Variants in SLC6A3 observed in about 807,000 individuals in gnomAD.
The protein encoded by SLC6A3 is solute carrier family 6 member 3, also known as sodium-dependent dopamine transporter.
A neutral mutation model predicts 70.4 loss-of-function variants in SLC6A3; 19 were observed. That is an observed-to-expected ratio of 0.27 (90% CI 0.19 to 0.40). The LOEUF (loss-of-function observed/expected upper bound fraction) is 0.40, where lower values mean the gene tolerates loss of function less well. Ranked by LOEUF, SLC6A3 falls within the 10% of genes least tolerant of loss-of-function variation. The probability of loss-of-function intolerance (pLI) is 1.00; values close to 1 mark genes in which losing one functional copy is unlikely to be tolerated. For synonymous variants in SLC6A3, 368 were observed against 356.6 expected (o/e 1.03, Z -0.36); for missense variants, 613 against 838.5 (o/e 0.73, Z 3.32).
rs921248187 is a variant in SLC6A3, at chr5:1,401,631, A to G, written c.1768-645T>C. 5.3e-5 allele frequency among the ~76,000 whole-genome samples: 8 copies of G among 152,052 alleles called. No individual in the cohort carries two copies. The highest frequency in any genetic ancestry group is 3.3e-4 in the Admixed American group (5 of 15,274). On this transcript the variant is annotated intron_variant, in intron 13 of 14. Coordinates refer to ENST00000270349, the MANE Select transcript of SLC6A3 (RefSeq NM_001044.5). This position sits in a 1 kb window ranked among gnomAD's most constrained non-coding sequence, Gnocchi z 6.1. ...GGCCCCACCCCACGTCATCACCACA[A>G]TTCCACTTGTACCTGGCTCAGCTGC...
rs1288617930 is a variant in SLC6A3, at chr5:1,413,466, C to A, written c.1156+1225G>T. 6.6e-6 allele frequency among the ~76,000 whole-genome samples: 1 copy of A among 152,220 alleles called. No individual in the cohort carries two copies. Among genetic ancestry groups the A allele is most frequent in the East Asian group, 1.9e-4 (1 of 5,204 alleles). On this transcript the variant is annotated intron_variant, in intron 8 of 14. Coordinates refer to ENST00000270349, the MANE Select transcript of SLC6A3 (RefSeq NM_001044.5). This position sits in a 1 kb window ranked among gnomAD's most constrained non-coding sequence, Gnocchi z 7.1. ...GAGACTCAGGTGCGGTCAAGGCTGC[C>A]CCCGCTTGGTGCTTGTCGCTCCCCG...
rs1423863869 is a variant in SLC6A3, at chr5:1,406,160, G to A, written c.1599+28C>T. 6.5e-7 allele frequency: 1 copy of A among 1,532,944 alleles called. No individual in the cohort carries two copies. Among genetic ancestry groups the A allele is most frequent in the Non-Finnish European group, 9.0e-7 (1 of 1,106,964 alleles). 95.0% of individuals were successfully genotyped at this position (1,532,944 alleles called of 1,614,324 possible). On this transcript the variant is annotated intron_variant, in intron 12 of 14. Coordinates refer to ENST00000270349, the MANE Select transcript of SLC6A3 (RefSeq NM_001044.5). The surrounding 1 kb of genome is among the most constrained non-coding windows in gnomAD (Gnocchi z 8.8). ...GAGTGGGGGCAGTGGGCAGACGGGG[G>A]AAGGGCAGGTGGCCCGAGGTCCCTT...
At chr5:1,439,198 G>C (rs1229129867) in intron 3 of SLC6A3, among the ~76,000 whole-genome samples, 1 of 152,120 alleles carries the variant, frequency 6.6e-6, no homozygotes, top group Non-Finnish European at 1.5e-5. Flanking sequence ...TGACGACGGG[G>C]ACGGAGGCAT....
Position 1,432,649 on chromosome 5 carries a change from G to A in SLC6A3, c.468C>T (p.Tyr156=). The change falls in exon 4 of 15, where the codon TAC becomes TAT. Residue 156 remains tyrosine (Y), a synonymous_variant. Coordinates refer to ENST00000270349, the MANE Select transcript of SLC6A3 (RefSeq NM_001044.5). The part of the protein sequence containing the change: ...ILISLYVGFF[Y]NVIIAWALHY... ...GCAGCGCCCAGGCGATGATGACGTTGTAGAAGAAGCCGACATACAGTGAGA... is the reference window on the plus strand; with the variant it reads ...GCAGCGCCCAGGCGATGATGACGTTATAGAAGAAGCCGACATACAGTGAGA... 6.2e-7 allele frequency: 1 copy of A among 1,614,212 alleles called. No homozygotes were observed. The highest frequency in any genetic ancestry group is 1.3e-5 in the African/African-American group (1 of 75,054).
rs1296528713 is a variant in SLC6A3 at position 1,406,624 on chromosome 5, C to T, written c.1499-336G>A. Reference sequence around the variant, plus strand: ...CTCTGCTGCTGGTACTTCTTGTTCACTTAAAAAGATTATGGTAAAATACAC... The same window carrying T: ...CTCTGCTGCTGGTACTTCTTGTTCATTTAAAAAGATTATGGTAAAATACAC... On this transcript the variant is annotated intron_variant, in intron 11 of 14. Coordinates refer to ENST00000270349, the MANE Select transcript of SLC6A3 (RefSeq NM_001044.5). The surrounding 1 kb of genome is among the most constrained non-coding windows in gnomAD (Gnocchi z 8.8). Among the ~76,000 whole-genome samples, 1 of 152,162 alleles carries T rather than the reference C, an allele frequency of 6.6e-6. No individual in the cohort carries two copies. The highest frequency in any genetic ancestry group is 1.5e-5 in the Non-Finnish European group (1 of 68,018).
rs1333049785 is a variant in SLC6A3 at position 1,402,319 on chromosome 5, T to C, written c.1767+603A>G. Among the ~76,000 whole-genome samples, 1 of 151,390 alleles carries C rather than the reference T, an allele frequency of 6.6e-6. No homozygotes were observed. Among genetic ancestry groups the C allele is most frequent in the Non-Finnish European group, 1.5e-5 (1 of 67,906 alleles). On this transcript the variant is annotated intron_variant, in intron 13 of 14. Coordinates refer to ENST00000270349, the MANE Select transcript of SLC6A3 (RefSeq NM_001044.5). This position sits in a 1 kb window ranked among gnomAD's most constrained non-coding sequence, Gnocchi z 8.5. ...CTGTGACTGGTCCACCTGCCTTTCT[T>C]CTACACAAAGGCGGCAAAACCAAGC...
chr5:1,402,770 GCACA>G lies in SLC6A3; in HGVS notation c.1767+148_1767+151del, dbSNP rs141189133. On this transcript the variant is annotated intron_variant, in intron 13 of 14. Coordinates refer to ENST00000270349, the MANE Select transcript of SLC6A3 (RefSeq NM_001044.5). The surrounding 1 kb of genome is among the most constrained non-coding windows in gnomAD (Gnocchi z 8.5). ...CGGGCGTGCAGGTGGACACACACAC[GCACA>G]CACACACACAGTGTTGTGGTGGCCA... is the stretch of plus-strand genomic sequence containing the variant. 1.4e-5 allele frequency: 10 copies of G among 734,684 alleles called. No individual in the cohort carries two copies. Among genetic ancestry groups the G allele is most frequent in the African/African-American group, 3.5e-5 (2 of 57,216 alleles). 45.5% of individuals were successfully genotyped at this position (734,684 alleles called of 1,614,324 possible).
chr5:1,421,930 C>G lies in SLC6A3; in HGVS notation c.738G>C (p.Leu246=). 6.2e-7 allele frequency: 1 copy of G among 1,613,266 alleles called. No homozygotes were observed. The highest frequency in any genetic ancestry group is 1.3e-5 in the African/African-American group (1 of 75,060). ...PRWQLTACLV[L]VIVLLYFSLW... ...GGCTGAAGTAGAGCAGCACGATGAC[C>G]AGCACCAGGCAGGCTGTGAGCTGCC... The change falls in exon 5 of 15, where the codon CTG becomes CTC. Residue 246 remains leucine (L), a synonymous_variant. Transcript: ENST00000270349. This position sits in a 1 kb window ranked among gnomAD's most constrained non-coding sequence, Gnocchi z 7.2.
At position 1,421,637 on chromosome 5, in the gene SLC6A3, C is replaced by G. The variant is rs1263584307; in HGVS notation, c.792+239G>C. Among the ~76,000 whole-genome samples the G allele has an allele frequency of 6.6e-6, 1 of 152,080 alleles. No individual in the cohort carries two copies. The highest frequency in any genetic ancestry group is 1.5e-5 in the Non-Finnish European group (1 of 68,012). ...ATGGCCGCGCGTCTACCCAAGCCAA[C>G]CCGGCACAGCCACAGGTGTACCCTC... On this transcript the variant is annotated intron_variant, in intron 5 of 14. Coordinates refer to ENST00000270349, the MANE Select transcript of SLC6A3 (RefSeq NM_001044.5). The surrounding 1 kb of genome is among the most constrained non-coding windows in gnomAD (Gnocchi z 7.2).
Position 1,416,068 on chromosome 5 carries a change from G to A in SLC6A3, c.1031+30C>T, listed in dbSNP as rs1017077818. 5.9e-6 allele frequency: 9 copies of A among 1,522,224 alleles called. No individual in the cohort carries two copies. The Admixed American group carries it at 1.5e-4, about 25-fold the overall frequency. 94.3% of individuals were successfully genotyped at this position (1,522,224 alleles called of 1,614,324 possible). ...AGCGACCTCTCCCTAGTATTGATGA[G>A]GCCCCTGCCTGGCCCTGCTAGGGGC... On this transcript the variant is annotated intron_variant, in intron 7 of 14. Coordinates refer to ENST00000270349, the MANE Select transcript of SLC6A3 (RefSeq NM_001044.5).
chr5:1,443,066 G>T lies in SLC6A3; in HGVS notation c.132C>A (p.Ser44Arg). ...VKEQNGVQLT[S>R]STLTNPRQSP... ...TCTGCCGCGGGTTGGTGAGGGTGGA[G>T]CTGGTGAGCTGCACTCCGTTCTGCT... Residue 44 changes from serine (S) to arginine (R), a missense_variant, in exon 2 of 15, where the codon AGC (serine) becomes AGA (arginine). Around this residue, in one of 4 missense-constraint regions of SLC6A3, gnomAD observed 111 missense variants for 91.6 expected, o/e 1.21. Coordinates refer to ENST00000270349, the MANE Select transcript of SLC6A3 (RefSeq NM_001044.5). The T allele has an allele frequency of 6.2e-7, 1 of 1,614,240 alleles. No individual in the cohort carries two copies. The highest frequency in any genetic ancestry group is 8.5e-7 in the Non-Finnish European group (1 of 1,180,044).
intron 9 of SLC6A3, among the ~76,000 whole-genome samples, chr5:1,410,806 ATGTG>A (rs763446513): frequency 4.7e-4 from 72 of 151,716 alleles, no homozygotes; most frequent in Non-Finnish European, 8.4e-4. Flanking sequence ...GTCTGTGTGT[ATGTG>A]TGTGTGCATG....
rs753530749 is a variant in SLC6A3 at position 1,442,990 on chromosome 5, G to C, written c.208C>G (p.Leu70Val). ...ACAGCAAAGCCAATGACGGACAGGA[G>C]AAAGTCGATCTTCTTGCCCCAGGTC... Reference protein sequence around the residue: ...RETWGKKIDFLLSVIGFAVDL... With the variant: ...RETWGKKIDFVLSVIGFAVDL... The change falls in exon 2 of 15, where the codon CTC becomes GTC. Residue 70 changes from leucine to valine, a missense_variant. By Grantham distance (32) the Leu-to-Val change is conservative. Transcript: ENST00000270349. This position sits in a 1 kb window ranked among gnomAD's most constrained non-coding sequence, Gnocchi z 5.0. 6.2e-7 allele frequency: 1 copy of C among 1,614,096 alleles called. No homozygotes were observed. Among genetic ancestry groups the C allele is most frequent in the African/African-American group, 1.3e-5 (1 of 74,934 alleles).
At position 1,401,808 on chromosome 5, in the gene SLC6A3, C is replaced by T. The variant is rs952814645; in HGVS notation, c.1768-822G>A. On this transcript the variant is annotated intron_variant, in intron 13 of 14. Coordinates refer to ENST00000270349, the MANE Select transcript of SLC6A3 (RefSeq NM_001044.5). The surrounding 1 kb of genome is among the most constrained non-coding windows in gnomAD (Gnocchi z 6.1). ...ATCCAGCCTCCCAGAGGAGCTCTCT[C>T]CCTGCAGAGACTGCCCGGCTGCCTG... Among the ~76,000 whole-genome samples the T allele has an allele frequency of 2.0e-5, 3 of 152,386 alleles. No homozygotes were observed. The highest frequency in any genetic ancestry group is 2.0e-4 in the Admixed American group (3 of 15,310).
chr5:1,428,851 C>T (rs761954119), intron 4 of SLC6A3, among the ~76,000 whole-genome samples: 2 of 152,218 alleles, frequency 1.3e-5, no homozygotes, highest in African/African-American at 2.4e-5. Context: ...ACGGTTACTT[C>T]CTGAGGACCT....
At chr5:1,409,447 C>G (rs1386824292) in intron 10 of SLC6A3, among the ~76,000 whole-genome samples, 1 of 152,164 alleles carries the variant, frequency 6.6e-6, no homozygotes, top group East Asian at 1.9e-4. Flanking sequence ...CACCACACCC[C>G]CAGCGTCCCC....
chr5:1,441,888 A>G (rs1330911037), intron 2 of SLC6A3, among the ~76,000 whole-genome samples: 1 of 151,224 alleles, frequency 6.6e-6, no homozygotes, highest in Admixed American at 6.6e-5. Context: ...TGACCCCCCA[A>G]CTCTGCCCCT....
rs946533351 is a variant in SLC6A3 at position 1,438,327 on chromosome 5, C to A, written c.418+3032G>T. ...GGACTAGTCTTCAGAACGAAGCTGG[C>A]GGCATGGAATGCGGGATTGTGGGCA... On this transcript the variant is annotated intron_variant, in intron 3 of 14. Transcript: ENST00000270349. The surrounding 1 kb of genome is among the most constrained non-coding windows in gnomAD (Gnocchi z 6.5). Among the ~76,000 whole-genome samples, 5 of 152,222 alleles carry A rather than the reference C, an allele frequency of 3.3e-5. No homozygotes were observed. The highest frequency in any genetic ancestry group is 1.2e-4 in the African/African-American group (5 of 41,470).
chr5:1,412,136 T>C (rs27047), intron 8 of SLC6A3, among the ~76,000 whole-genome samples: 55,155 of 152,210 alleles, frequency 0.36, 11,224 homozygotes, highest in East Asian at 0.64. Context: ...TCCAGGCACA[T>C]GAGGAAGCTG....
Sources: gnomAD v4.1 joint callset for allele counts (sites outside exome capture counted in the v4.1 genomes callset) on GRCh38, gnomAD v4.1.1 for gene constraint, gnomAD v4.1.1 regional missense constraint, Gnocchi (gnomAD v3.1) non-coding constraint, MANE v1.5 for transcripts, NCBI Gene and HGNC (gene_info 2026-07-23, HGNC 2026-07-21) for gene names.